The following STXBP5 variants were observed in gnomAD, a reference collection of about 807,000 sequenced individuals.
STXBP5 encodes the protein syntaxin-binding protein 5.
STXBP5 carries 50 observed loss-of-function variants against 152.4 expected under a neutral mutation model. The observed-to-expected ratio is 0.33, with a 90% CI of 0.26 to 0.42. The LOEUF is 0.42. Ranked by LOEUF, STXBP5 falls within the 10% of genes least tolerant of loss-of-function variation. STXBP5 has a pLI of 1.00. For synonymous variants in STXBP5, 492 were observed against 494.7 expected, an observed-to-expected ratio of 0.99 and a Z score of 0.07; for missense variants, 1,167 against 1,388.6, an observed-to-expected ratio of 0.84 and a Z score of 2.54.
intron 9 of STXBP5, among the ~76,000 whole-genome samples, chr6:147,307,879 C>A (rs1320851993): frequency 6.6e-6 from 1 of 152,186 alleles, no homozygotes; most frequent in Non-Finnish European, 1.5e-5. Flanking sequence ...ATAAACCTAC[C>A]TAGCTACCAT....
At chr6:147,261,862 G>T (rs1484406210) in intron 5 of STXBP5, among the ~76,000 whole-genome samples, 2 of 151,762 alleles carry the variant, frequency 1.3e-5, no homozygotes, top group Non-Finnish European at 2.9e-5. Flanking sequence ...GCAGATATAG[G>T]TGGCATTATT....
intron 3 of STXBP5, among the ~76,000 whole-genome samples, chr6:147,236,671 C>T (rs1778285943): frequency 6.6e-6 from 1 of 152,108 alleles, no homozygotes; most frequent in South Asian, 2.1e-4. Flanking sequence ...AGGTCAGTTC[C>T]CTCAGCACTA....
In STXBP5 at chr6:147,239,284, C is replaced by CAGTT; in HGVS notation, c.431+16_431+19dup. On this transcript the variant is annotated intron_variant, in intron 4 of 27. Coordinates refer to ENST00000321680, the MANE Select transcript of STXBP5 (RefSeq NM_001127715.4). ...TTGCAGAGAAAGGTAAGAATTCTCC[C>CAGTT]AGTTATCTTATGTATAGGATATTTA... 6.2e-7 allele frequency: 1 copy of CAGTT among 1,602,530 alleles called. No individual in the cohort carries two copies. Among genetic ancestry groups the CAGTT allele is most frequent in the South Asian group, 1.1e-5 (1 of 90,714 alleles).
intron 6 of STXBP5, 74 bp downstream of exon 6, chr6:147,262,427 G>T: frequency 3.5e-6 from 3 of 867,634 alleles, no homozygotes; most frequent in South Asian, 3.6e-5. Context: ...GCTATTTCAG[G>T]ATCACACTTA....
intron 21 of STXBP5, among the ~76,000 whole-genome samples, chr6:147,351,520 T>G (rs1283463508): frequency 6.6e-6 from 1 of 152,168 alleles, no homozygotes; most frequent in Non-Finnish European, 1.5e-5. Context: ...GAGGACTGTT[T>G]TAGAGATACA....
chr6:147,250,330 A>G (rs952264367), intron 4 of STXBP5, among the ~76,000 whole-genome samples: 2 of 152,176 alleles, frequency 1.3e-5, no homozygotes, highest in Non-Finnish European at 2.9e-5. Context: ...GGGAATTTCT[A>G]TACAGTCAGC....
intron 23 of STXBP5, among the ~76,000 whole-genome samples, chr6:147,360,852 A>T (rs1785033372): frequency 6.6e-6 from 1 of 152,182 alleles, no homozygotes; most frequent in Admixed American, 6.5e-5. Context: ...ATCCAGATAG[A>T]AACAACCATG....
At chr6:147,379,378 A>G (rs1275061104) in intron 26 of STXBP5, among the ~76,000 whole-genome samples, 1 of 152,164 alleles carries the variant, frequency 6.6e-6, no homozygotes, top group Non-Finnish European at 1.5e-5. Flanking sequence ...TCCATGGGGA[A>G]AGTAGAAAAT....
At chr6:147,256,945 GTAA>G (rs1258223560) in intron 4 of STXBP5, among the ~76,000 whole-genome samples, 2 of 152,022 alleles carry the variant, frequency 1.3e-5, no homozygotes, top group African/African-American at 2.4e-5. Context: ...AAGAAAATTG[GTAA>G]TAATAAAATC....
At chr6:147,344,590 A>C (rs1292076931) in intron 21 of STXBP5, among the ~76,000 whole-genome samples, 1 of 152,190 alleles carries the variant, frequency 6.6e-6, no homozygotes, top group African/African-American at 2.4e-5. Context: ...TTGTATGCCC[A>C]CATGGGTTTC....
Position 147,311,498 on chromosome 6 carries a change from T to G in STXBP5, c.1116T>G (p.Asp372Glu). 1 of 1,612,458 alleles carries G rather than the reference T, an allele frequency of 6.2e-7. No homozygotes were observed. Among genetic ancestry groups the G allele is most frequent in the African/African-American group, 1.3e-5 (1 of 74,968 alleles). Residue 372 changes from aspartate to glutamate, a missense_variant, in exon 11 of 28, where the codon GAT becomes GAG. Asp to Glu is a conservative substitution (Grantham distance 45). Around this residue, in one of 3 missense-constraint regions of STXBP5, gnomAD observed 833 missense variants for 986.3 expected, o/e 0.84. Transcript: ENST00000321680. ...PYAVVVLLEKDLVLIDLAQNG... is the reference protein window; with the variant it reads ...PYAVVVLLEKELVLIDLAQNG... ...CTGTGGTTGTTCTTCTAGAAAAGGA[T>G]TTAGTACTTATAGACCTTGCACAAA...
chr6:147,350,238 A>G (rs1784527799), intron 21 of STXBP5, among the ~76,000 whole-genome samples: 1 of 152,134 alleles, frequency 6.6e-6, no homozygotes, highest in South Asian at 2.1e-4. Context: ...AAATAGTACT[A>G]GAAAAAAACT....
chr6:147,359,086 G>A lies in STXBP5; in HGVS notation c.2308G>A (p.Val770Ile), dbSNP rs1194337982. Residue 770 changes from valine (V) to isoleucine (I), a missense_variant and splice_region_variant, in exon 23 of 28, where the codon GTA (valine) becomes ATA (isoleucine). Val to Ile is a conservative substitution (Grantham distance 29). Transcript: ENST00000321680. ...CACAACATTTTTAACCATTTCAGAT[G>A]TAAAGGATAACTCCTTTAGCCGATC... ...LPTDLKPDLDVKDNSFSRSRS... is the reference protein window; with the variant it reads ...LPTDLKPDLDIKDNSFSRSRS... The A allele has an allele frequency of 1.2e-6, 2 of 1,613,332 alleles. No homozygotes were observed. The highest frequency in any genetic ancestry group is 1.7e-5 in the Admixed American group (1 of 59,948).
Position 147,307,067 on chromosome 6 carries a change from CT to C in STXBP5, c.918-3013del, listed in dbSNP as rs1262424378. 2.0e-5 allele frequency among the ~76,000 whole-genome samples: 3 copies of C among 152,262 alleles called. No individual in the cohort carries two copies. In the East Asian group the frequency reaches 5.8e-4, roughly 29 times the overall value. The stretch of plus-strand genomic sequence containing the variant: ...AATGGCTTTTTGGATAGAAGTGGCA[CT>C]TTTAAGTGAAGAAGGCATCATATGG... On this transcript the variant is annotated intron_variant, in intron 9 of 27. Transcript: ENST00000321680.
intron 7 of STXBP5, among the ~76,000 whole-genome samples, chr6:147,269,455 A>G (rs1406689719): frequency 6.6e-6 from 1 of 152,234 alleles, no homozygotes; most frequent in Non-Finnish European, 1.5e-5. Context: ...TAAATTTTAC[A>G]ATGTCTAGCA....
At chr6:147,210,560 G>A (rs1275817349) in intron 2 of STXBP5, among the ~76,000 whole-genome samples, 1 of 152,144 alleles carries the variant, frequency 6.6e-6, no homozygotes, top group Non-Finnish European at 1.5e-5. Context: ...GCACATTGCA[G>A]GATATTTAAT....
At chr6:147,288,492 A>G (rs1781108490) in intron 8 of STXBP5, among the ~76,000 whole-genome samples, 1 of 152,144 alleles carries the variant, frequency 6.6e-6, no homozygotes, top group African/African-American at 2.4e-5. Flanking sequence ...AGTAGTATCT[A>G]TTGGGTAGAT....
At chr6:147,312,201 T>C (rs1209444393) in intron 11 of STXBP5, among the ~76,000 whole-genome samples, 1 of 152,208 alleles carries the variant, frequency 6.6e-6, no homozygotes, top group Non-Finnish European at 1.5e-5. Context: ...TCTTATCTTT[T>C]TCGGGCTTTT....
chr6:147,388,879 A>G lies in STXBP5; in HGVS notation c.*4124A>G, dbSNP rs1213046117. 1 of 151,238 alleles carries G rather than the reference A, an allele frequency of 6.6e-6. No individual in the cohort carries two copies. The highest frequency in any genetic ancestry group is 1.5e-5 in the Non-Finnish European group (1 of 67,532). The allele number at this position is 151,238 out of a possible 1,614,324, so 9.4% of individuals were successfully genotyped here. On this transcript the variant is annotated 3_prime_UTR_variant, in exon 28 of 28. Transcript: ENST00000321680. ...TACCTTTTTTAAAAATAAATTTCCAAAAATGAAAACAGAGTTTATGTATTT... is the reference window on the plus strand; with the variant it reads ...TACCTTTTTTAAAAATAAATTTCCAGAAATGAAAACAGAGTTTATGTATTT...
Sources: allele counts gnomAD v4.1 joint callset (sites outside exome capture counted in the v4.1 genomes callset), GRCh38; gene constraint gnomAD v4.1.1; regional missense constraint gnomAD v4.1.1; transcripts MANE v1.5; gene names NCBI Gene and HGNC (gene_info 2026-07-23, HGNC 2026-07-21).